The following AGMO variants were observed in gnomAD, a reference collection of about 807,000 sequenced individuals.
The protein encoded by AGMO is alkylglycerol monooxygenase.
Under a neutral mutation model 60.2 loss-of-function variants are expected in AGMO, and 75 were observed. The ratio of observed to expected loss-of-function variants is 1.25; its 90% CI spans 1.03 to 1.51. The LOEUF (loss-of-function observed/expected upper bound fraction) is 1.51, where lower values mean the gene tolerates loss of function less well. Among genes scored for constraint, AGMO ranks in the 40% most tolerant of loss-of-function variants. The pLI, the probability that AGMO is intolerant of heterozygous loss-of-function variation, is 0.00. For missense variants in AGMO, 763 were observed against 525.5 expected (o/e 1.45, Z -4.42); for synonymous variants, 261 against 177.1 (o/e 1.47, Z -3.76).
chr7:15,191,971 TCTCA>T, the AGMO span, among the ~76,000 whole-genome samples: 5,440 of 77,040 alleles, frequency 0.071, 156 homozygotes, highest in South Asian at 0.15. Flanking sequence ...TCTGTCTCTC[TCTCA>T]CACACACACA....
intron 3 of AGMO, among the ~76,000 whole-genome samples, chr7:15,542,901 C>G (rs1784670035): frequency 6.6e-6 from 1 of 152,076 alleles, no homozygotes; most frequent in African/African-American, 2.4e-5. Context: ...ATAAATTAAG[C>G]CTTCATAGAG....
chr7:15,351,857 G>A (rs1782254741), intron 12 of AGMO, among the ~76,000 whole-genome samples: 1 of 152,088 alleles, frequency 6.6e-6, no homozygotes, highest in African/African-American at 2.4e-5. Context: ...TTGAGAAAGT[G>A]TTAAAATACA....
intron 12 of AGMO, among the ~76,000 whole-genome samples, chr7:15,351,774 G>C (rs1318616217): frequency 3.9e-5 from 6 of 152,080 alleles, no homozygotes; most frequent in Non-Finnish European, 8.8e-5. Context: ...AAATAACAAA[G>C]TATACGGCTA....
chr7:15,422,768 A>G (rs1174305299), intron 4 of AGMO, among the ~76,000 whole-genome samples: 1 of 152,076 alleles, frequency 6.6e-6, no homozygotes, highest in Non-Finnish European at 1.5e-5. Flanking sequence ...GAAATTGCCA[A>G]CCTGGTACAA....
At chr7:15,275,340 T>C (rs1783751464) in intron 12 of AGMO, among the ~76,000 whole-genome samples, 2 of 152,150 alleles carry the variant, frequency 1.3e-5, no homozygotes. Flanking sequence ...CATGAATTTG[T>C]GTAGTTTTAA....
intron 3 of AGMO, among the ~76,000 whole-genome samples, chr7:15,481,029 TACATTA>T (rs1782735010): frequency 6.6e-6 from 1 of 152,098 alleles, no homozygotes; most frequent in Non-Finnish European, 1.5e-5. Flanking sequence ...TATATACATA[TACATTA>T]ACATTAATAT....
At chr7:15,407,180 C>A (rs1170432095) in intron 5 of AGMO, among the ~76,000 whole-genome samples, 2 of 145,172 alleles carry the variant, frequency 1.4e-5, no homozygotes, top group South Asian at 2.1e-4. Context: ...TTGTTAGTGA[C>A]AAGGGTGCCA....
At chr7:15,422,561 A>T (rs559492441) in intron 4 of AGMO, among the ~76,000 whole-genome samples, 43 of 152,236 alleles carry the variant, frequency 2.8e-4, no homozygotes, top group South Asian at 1.0e-3. Context: ...TGAAAAAAAT[A>T]AAAAAACCCT....
chr7:15,420,080 A>T (rs1230072511), intron 4 of AGMO, among the ~76,000 whole-genome samples: 1 of 152,110 alleles, frequency 6.6e-6, no homozygotes, highest in African/African-American at 2.4e-5. Context: ...TTGGATGCTT[A>T]ATAAGTAGTT....
At chr7:15,256,272 C>T (rs1266437558) in intron 12 of AGMO, among the ~76,000 whole-genome samples, 2 of 152,226 alleles carry the variant, frequency 1.3e-5, no homozygotes, top group African/African-American at 4.8e-5. Context: ...CACATAACAA[C>T]ATTTCAGTCA....
chr7:15,220,343 C>G (rs1190289056), intron 12 of AGMO, among the ~76,000 whole-genome samples: 1 of 151,496 alleles, frequency 6.6e-6, no homozygotes, highest in East Asian at 2.0e-4. Flanking sequence ...CCTCAGCCTC[C>G]CAAGTGGCTG....
At chr7:15,283,282 G>C (rs1784017140) in intron 12 of AGMO, among the ~76,000 whole-genome samples, 1 of 152,010 alleles carries the variant, frequency 6.6e-6, no homozygotes, top group African/African-American at 2.4e-5. Context: ...AAAAGATACA[G>C]ATTGGCAGAA....
At chr7:15,270,858 T>C (rs1184850595) in intron 12 of AGMO, among the ~76,000 whole-genome samples, 2 of 151,826 alleles carry the variant, frequency 1.3e-5, no homozygotes, top group East Asian at 1.9e-4. Flanking sequence ...GAAACAGTGG[T>C]ACAGTTTCAT....
chr7:15,559,638 T>A (rs1363783451), intron 2 of AGMO, among the ~76,000 whole-genome samples: 1 of 152,148 alleles, frequency 6.6e-6, no homozygotes, highest in African/African-American at 2.4e-5. Flanking sequence ...CAGGGATTTT[T>A]ACCTTACACT....
At chr7:15,256,098 G>A (rs1783091458) in intron 12 of AGMO, among the ~76,000 whole-genome samples, 1 of 152,148 alleles carries the variant, frequency 6.6e-6, no homozygotes, top group South Asian at 2.1e-4. Context: ...CCAATGAGGG[G>A]GATGTATGAA....
intron 5 of AGMO, among the ~76,000 whole-genome samples, chr7:15,412,019 GC>G (rs1780625606): frequency 6.6e-6 from 1 of 152,080 alleles, no homozygotes; most frequent in African/African-American, 2.4e-5. Context: ...CTAAGTCTCT[GC>G]TCATCCTGCT....
the AGMO span, among the ~76,000 whole-genome samples, chr7:15,156,220 T>C: frequency 8.1e-4 from 124 of 152,318 alleles, no homozygotes; most frequent in Middle Eastern, 3.4e-3. Flanking sequence ...GAGTATGCAC[T>C]GGCAGGGGTC....
chr7:15,322,911 TAC>T (rs1323145688), intron 12 of AGMO, among the ~76,000 whole-genome samples: 3 of 147,156 alleles, frequency 2.0e-5, no homozygotes, highest in Admixed American at 6.9e-5. Flanking sequence ...AATATATATA[TAC>T]ACATATATGT....
chr7:15,138,250 T>A, the AGMO span, among the ~76,000 whole-genome samples: 1,722 of 152,320 alleles, frequency 0.011, 46 homozygotes, highest in African/African-American at 0.04. Context: ...GAGCACTTTG[T>A]TTTATTCTCT....
Sources: gnomAD v4.1 joint callset for allele counts (sites outside exome capture counted in the v4.1 genomes callset) on GRCh38, gnomAD v4.1.1 for gene constraint, MANE v1.5 for transcripts, NCBI Gene and HGNC (gene_info 2026-07-23, HGNC 2026-07-21) for gene names.